The following CMYA5 variants were observed in gnomAD, a reference collection of about 807,000 sequenced individuals.
CMYA5 encodes cardiomyopathy-associated protein 5.
In CMYA5, 246 loss-of-function variants were observed where a neutral mutation model predicts 318.9. The observed-to-expected ratio is 0.77, with a 90% CI of 0.70 to 0.86. CMYA5 has a LOEUF of 0.86. CMYA5 is among the 40% of genes least tolerant of loss of function. The pLI is 0.00. For missense variants in CMYA5, 4,589 were observed against 4,678.2 expected, an observed-to-expected ratio of 0.98 and a Z score of 0.56; for synonymous variants, 1,641 against 1,729.5, an observed-to-expected ratio of 0.95 and a Z score of 1.27.
Position 79,730,860 on chromosome 5 carries a change from G to A in CMYA5, c.2095G>A (p.Glu699Lys). The A allele has an allele frequency of 6.2e-7, 1 of 1,613,904 alleles. No individual in the cohort carries two copies. Among genetic ancestry groups the A allele is most frequent in the South Asian group, 1.1e-5 (1 of 91,076 alleles). Residue 699 changes from glutamate (E) to lysine (K), a missense_variant, in exon 2 of 13, where the codon GAA (glutamate) becomes AAA (lysine). Glu to Lys is a moderately conservative substitution (Grantham distance 56, BLOSUM62 1). Coordinates refer to ENST00000446378, the MANE Select transcript of CMYA5 (RefSeq NM_153610.5). Reference sequence around the variant, plus strand: ...CACACCAGACTCCACATCTGCTTCTGAATATTCAGTTCCATCACTGGCAAC... The same window carrying A: ...CACACCAGACTCCACATCTGCTTCTAAATATTCAGTTCCATCACTGGCAAC... Reference protein sequence around the residue: ...CYTPDSTSASEYSVPSLATKE... With the variant: ...CYTPDSTSASKYSVPSLATKE...
intron 5 of CMYA5, among the ~76,000 whole-genome samples, chr5:79,748,735 A>G (rs113492914): frequency 0.063 from 9,624 of 151,840 alleles, 668 homozygotes; most frequent in African/African-American, 0.18. Context: ...GTACAGATGG[A>G]GTTTTGTCAT....
Position 79,732,119 on chromosome 5 carries a change from T to A in CMYA5, c.3354T>A (p.Tyr1118Ter). The A allele has an allele frequency of 6.2e-7, 1 of 1,613,904 alleles. No individual in the cohort carries two copies. The highest frequency in any genetic ancestry group is 1.1e-5 in the South Asian group (1 of 91,076). The change falls in exon 2 of 13, where the codon TAT becomes TAA. Residue 1118 changes from tyrosine to a stop codon, truncating the protein, a stop_gained. Transcript: ENST00000446378. LOFTEE classifies it high-confidence loss of function. ...CACAGAAGCAGAAAACTCAAGCATA[T>A]TTAGAGCCTGAGTCTGAAGACTTGA... is the stretch of plus-strand genomic sequence containing the variant. ...ILAQKQKTQA[Y>*]LEPESEDLIP...
intron 1 of CMYA5, among the ~76,000 whole-genome samples, chr5:79,692,720 G>T (rs1394960700): frequency 2.0e-5 from 3 of 152,160 alleles, no homozygotes; most frequent in Non-Finnish European, 2.9e-5. Context: ...TTCTTAGTAG[G>T]TTCCCATTAA....
Position 79,793,487 on chromosome 5 carries a change from G to A in CMYA5, c.11840G>A (p.Trp3947Ter), listed in dbSNP as rs752948838. 1 of 1,613,912 alleles carries A rather than the reference G, an allele frequency of 6.2e-7. No homozygotes were observed. Among genetic ancestry groups the A allele is most frequent in the Non-Finnish European group, 8.5e-7 (1 of 1,179,832 alleles). The stretch of plus-strand genomic sequence containing the variant: ...CTGCCTTCCTGTGGCCAGCATTACT[G>A]GGAAACCACAGTCACAGACTGCCCA... Reference protein sequence around the residue: ...EELPSCGQHYWETTVTDCPAY... With the variant: ...EELPSCGQHY Residue 3947 changes from tryptophan (W) to a stop codon, truncating the protein, a stop_gained, in exon 12 of 13, where the codon TGG becomes TAG. Coordinates refer to ENST00000446378, the MANE Select transcript of CMYA5 (RefSeq NM_153610.5). LOFTEE classifies it high-confidence loss of function.
chr5:79,693,504 C>T (rs4704574), intron 1 of CMYA5, among the ~76,000 whole-genome samples: 96,993 of 151,830 alleles, frequency 0.64, 33,006 homozygotes, highest in African/African-American at 0.88. Flanking sequence ...CCAGGCCTGG[C>T]TACTTTTTTG....
In CMYA5 at chr5:79,689,947, C is replaced by G; in HGVS notation, c.40C>G (p.Leu14Val). The change falls in exon 1 of 13, where the codon CTC becomes GTC. Residue 14 changes from leucine to valine, a missense_variant. Leu to Val is a conservative substitution (Grantham distance 32). Around this residue, in one of 3 missense-constraint regions of CMYA5, gnomAD observed 2,132 missense variants for 2,131.3 expected, o/e 1.00. Transcript: ENST00000446378. ...TAGCAACCACGCTGGCGAGAGCTTT[C>G]TCGGCTCCGACGGGGACGAGGAGGC... is the stretch of plus-strand genomic sequence containing the variant. ...RDSNHAGESF[L>V]GSDGDEEATR... 9.3e-7 allele frequency: 1 copy of G among 1,074,882 alleles called. No homozygotes were observed. Among genetic ancestry groups the G allele is most frequent in the South Asian group, 1.3e-5 (1 of 74,360 alleles). 66.6% of individuals were successfully genotyped at this position (1,074,882 alleles called of 1,614,324 possible).
intron 9 of CMYA5, among the ~76,000 whole-genome samples, chr5:79,770,956 T>C (rs1199070826): frequency 6.6e-6 from 1 of 150,590 alleles, no homozygotes; most frequent in African/African-American, 2.5e-5. Flanking sequence ...AGCGTAAACA[T>C]AATAAGTGTT....
chr5:79,799,870 T>TTGGC lies in CMYA5; in HGVS notation c.*254_*255insTGGC. The TTGGC allele has an allele frequency of 6.3e-6, 1 of 158,428 alleles. No individual in the cohort carries two copies. Among genetic ancestry groups the TTGGC allele is most frequent in the Non-Finnish European group, 1.2e-5 (1 of 81,250 alleles). The allele number at this position is 158,428 out of a possible 1,614,324, so 9.8% of individuals were successfully genotyped here. A position where few individuals can be genotyped will look rare whatever the true frequency, so the allele number is the denominator to read the frequency against. The stretch of plus-strand genomic sequence containing the variant: ...TATAAGTTTGAGTTCTTTCCTAAAT[T>TTGGC]AAAAGATCTACACTTGAGTTGGGAA... On this transcript the variant is annotated 3_prime_UTR_variant, in exon 13 of 13. Coordinates refer to ENST00000446378, the MANE Select transcript of CMYA5 (RefSeq NM_153610.5).
chr5:79,691,241 G>A lies in CMYA5; in HGVS notation c.149+1185G>A, dbSNP rs556808316. On this transcript the variant is annotated intron_variant, in intron 1 of 12. Transcript: ENST00000446378. ...AGGAAGAGCAGAGGAGAAGGCACCT[G>A]TAGGAAGTGGATCAGGGAGTAGGGG... is the stretch of plus-strand genomic sequence containing the variant. Among the ~76,000 whole-genome samples, 4 of 152,316 alleles carry A rather than the reference G, an allele frequency of 2.6e-5. 1 individual carries two copies. The South Asian group carries it at 8.3e-4, about 32-fold the overall frequency.
chr5:79,695,680 C>T (rs1004613236), intron 1 of CMYA5, among the ~76,000 whole-genome samples: 3 of 152,208 alleles, frequency 2.0e-5, no homozygotes, highest in Non-Finnish European at 4.4e-5. Flanking sequence ...GATTGGATGA[C>T]ACAGTTGTTT....
chr5:79,786,486 G>A (rs1238046399), intron 9 of CMYA5, among the ~76,000 whole-genome samples: 3 of 152,146 alleles, frequency 2.0e-5, no homozygotes, highest in East Asian at 3.9e-4. Context: ...ACCAACAATC[G>A]TGGCCTCATT....
Position 79,736,260 on chromosome 5 carries a change from G to T in CMYA5, c.7495G>T (p.Gly2499Ter). ...AATAGGGAAGACACAAATTACACTTGGATCTAGATCTACTGAACTGAAAGA... is the reference window on the plus strand; with the variant it reads ...AATAGGGAAGACACAAATTACACTTTGATCTAGATCTACTGAACTGAAAGA... ...NEIGKTQITL[G>*]SRSTELKESK... The change falls in exon 2 of 13, where the codon GGA (glycine) becomes TGA (stop). Residue 2499 changes from glycine to a stop codon, truncating the protein, a stop_gained. Transcript: ENST00000446378. LOFTEE classifies it high-confidence loss of function. 2 of 1,613,184 alleles carry T rather than the reference G, an allele frequency of 1.2e-6. No individual in the cohort carries two copies. Among genetic ancestry groups the T allele is most frequent in the Non-Finnish European group, 1.7e-6 (2 of 1,179,662 alleles).
intron 1 of CMYA5, among the ~76,000 whole-genome samples, chr5:79,711,491 T>C (rs1442018666): frequency 6.6e-6 from 1 of 152,240 alleles, no homozygotes; most frequent in Non-Finnish European, 1.5e-5. Flanking sequence ...ATATAGGTTT[T>C]GTTAGCAGAC....
chr5:79,741,610 A>G (rs947392763), intron 2 of CMYA5, among the ~76,000 whole-genome samples: 1 of 152,168 alleles, frequency 6.6e-6, no homozygotes, highest in African/African-American at 2.4e-5. Flanking sequence ...TTCTTTTGTG[A>G]AATCTCAGAC....
At chr5:79,749,361 C>T (rs914489713) in intron 5 of CMYA5, among the ~76,000 whole-genome samples, 4 of 152,224 alleles carry the variant, frequency 2.6e-5, no homozygotes, top group African/African-American at 7.2e-5. Context: ...CTCAAGAAAA[C>T]TTCTGTCTCA....
chr5:79,729,912 C>T lies in CMYA5; in HGVS notation c.1147C>T (p.Pro383Ser). 6.2e-7 allele frequency: 1 copy of T among 1,613,474 alleles called. No individual in the cohort carries two copies. The highest frequency in any genetic ancestry group is 8.5e-7 in the Non-Finnish European group (1 of 1,179,652). ...TGAAGTGGAACCTCCATCTGTGACA[C>T]CCGACACACCTGCAACTATGTTCCT... ...PHEVEPPSVT[P>S]DTPATMFLRT... Residue 383 changes from proline to serine, a missense_variant, in exon 2 of 13, where the codon CCC (proline) becomes TCC (serine). Physicochemically the swap from Pro to Ser is moderately conservative, Grantham distance 74 (BLOSUM62 -1). Coordinates refer to ENST00000446378, the MANE Select transcript of CMYA5 (RefSeq NM_153610.5).
In CMYA5 at chr5:79,689,845, G is replaced by A; in HGVS notation, c.-63G>A. On this transcript the variant is annotated 5_prime_UTR_variant, in exon 1 of 13. Coordinates refer to ENST00000446378, the MANE Select transcript of CMYA5 (RefSeq NM_153610.5). ...GGGCAGGGGCCAGAGCAGTCGGAGGGAGAACACCAGGCGCGGCGCGGGCGG... is the reference window on the plus strand; with the variant it reads ...GGGCAGGGGCCAGAGCAGTCGGAGGAAGAACACCAGGCGCGGCGCGGGCGG... The A allele has an allele frequency of 3.2e-6, 2 of 624,596 alleles. No individual in the cohort carries two copies. The highest frequency in any genetic ancestry group is 2.9e-6 in the Non-Finnish European group (1 of 349,202). 38.7% of individuals were successfully genotyped at this position (624,596 alleles called of 1,614,324 possible). A position where few individuals can be genotyped will look rare whatever the true frequency, so the allele number is the denominator to read the frequency against.
chr5:79,737,596 T>G lies in CMYA5; in HGVS notation c.8831T>G (p.Phe2944Cys), dbSNP rs1475439413. 6.2e-7 allele frequency: 1 copy of G among 1,613,588 alleles called. No homozygotes were observed. The highest frequency in any genetic ancestry group is 1.3e-5 in the African/African-American group (1 of 74,924). The change falls in exon 2 of 13, where the codon TTT (phenylalanine) becomes TGT (cysteine). Residue 2944 changes from phenylalanine to cysteine, a missense_variant. Physicochemically the swap from Phe to Cys is radical, Grantham distance 205 (BLOSUM62 -2). This residue lies in a region of CMYA5 where 2,431 missense variants were observed against 2,495.1 expected (regional missense o/e 0.97). Coordinates refer to ENST00000446378, the MANE Select transcript of CMYA5 (RefSeq NM_153610.5). ...AGLSEDQKTAFSIISEGCEIL... is the reference protein window; with the variant it reads ...AGLSEDQKTACSIISEGCEIL... The stretch of plus-strand genomic sequence containing the variant: ...CTTTCAGAAGATCAGAAGACTGCCT[T>G]TAGTATCATTTCTGAAGGCTGTGAG...
Position 79,735,277 on chromosome 5 carries a change from G to A in CMYA5, c.6512G>A (p.Gly2171Glu). The change falls in exon 2 of 13, where the codon GGA becomes GAA. Residue 2171 changes from glycine (G) to glutamate (E), a missense_variant. By Grantham distance (98) the Gly-to-Glu change is moderately conservative. Transcript: ENST00000446378. Reference protein sequence around the residue: ...VAKPDLPEEKGKKGISSFKSW... With the variant: ...VAKPDLPEEKEKKGISSFKSW... ...AAGCCGGACCTTCCTGAGGAAAAGG[G>A]AAAGAAAGGAATTTCATCTTTCAAA... 6.2e-7 allele frequency: 1 copy of A among 1,613,830 alleles called. No individual in the cohort carries two copies. Among genetic ancestry groups the A allele is most frequent in the South Asian group, 1.1e-5 (1 of 91,070 alleles).
Sources: gnomAD v4.1 joint callset for allele counts (sites outside exome capture counted in the v4.1 genomes callset) on GRCh38, gnomAD v4.1.1 for gene constraint, gnomAD v4.1.1 regional missense constraint, MANE v1.5 for transcripts, NCBI Gene and HGNC (gene_info 2026-07-23, HGNC 2026-07-21) for gene names.